Variants in ATP8B4 observed in about 807,000 individuals in gnomAD.
The protein encoded by ATP8B4 is ATPase phospholipid transporting 8B4 (putative).
A neutral mutation model predicts 145.6 loss-of-function variants in ATP8B4; 133 were observed. The observed-to-expected ratio is 0.91, with a 90% CI of 0.79 to 1.05. ATP8B4 has a LOEUF of 1.05. Ranked by LOEUF, ATP8B4 falls within the 50% of genes least tolerant of loss-of-function variation. The pLI is 0.00. For synonymous variants in ATP8B4, 507 were observed against 492.9 expected, an observed-to-expected ratio of 1.03 and a Z score of -0.38; for missense variants, 1,458 against 1,425.2, an observed-to-expected ratio of 1.02 and a Z score of -0.37.
At position 49,920,231 on chromosome 15, in the gene ATP8B4, C is replaced by T. The variant is rs183917939; in HGVS notation, c.1923+15G>A. ...TTTCCTGTAAACACAAACCATCATG[C>T]TTCTAAACTCATACCATCAAATCTC... On this transcript the variant is annotated intron_variant, in intron 18 of 27. Coordinates refer to ENST00000284509, the MANE Select transcript of ATP8B4 (RefSeq NM_024837.4). The T allele has an allele frequency of 4.3e-6, 7 of 1,612,672 alleles. No individual in the cohort carries two copies. The highest frequency in any genetic ancestry group is 1.3e-5 in the African/African-American group (1 of 75,028).
chr15:49,931,612 T>C (rs553491144), intron 15 of ATP8B4, among the ~76,000 whole-genome samples: 3 of 152,198 alleles, frequency 2.0e-5, no homozygotes, highest in African/African-American at 7.2e-5. Flanking sequence ...GTATTTTCTG[T>C]GACTAGAGAT....
At chr15:50,082,890 G>A (rs1267351905) in intron 2 of ATP8B4, among the ~76,000 whole-genome samples, 1 of 152,206 alleles carries the variant, frequency 6.6e-6, no homozygotes, top group African/African-American at 2.4e-5. Flanking sequence ...AAGAAACAGA[G>A]TCCTAGCAAG....
intron 13 of ATP8B4, among the ~76,000 whole-genome samples, chr15:49,966,681 G>A (rs1343767442): frequency 6.6e-6 from 1 of 152,194 alleles, no homozygotes; most frequent in African/African-American, 2.4e-5. Flanking sequence ...AGGGGTGGCT[G>A]TGCGCGCAGC....
chr15:50,138,326 GTAGATAGATAGATAGA>G (rs71124324), intron 1 of ATP8B4, among the ~76,000 whole-genome samples: 29,875 of 148,082 alleles, frequency 0.2, 3,391 homozygotes, highest in Non-Finnish European at 0.24. Flanking sequence ...AGATAGATAG[GTAGATAGATAGATAGA>G]TAGATAGATA....
intron 1 of ATP8B4, among the ~76,000 whole-genome samples, chr15:50,154,908 G>GT (rs768707114): frequency 6.6e-6 from 1 of 151,774 alleles, no homozygotes; most frequent in Non-Finnish European, 1.5e-5. Flanking sequence ...ATTTGTTTAA[G>GT]TTTTTTATTT....
At chr15:49,876,135 C>T (rs1414213168) in intron 25 of ATP8B4, 143 bp downstream of exon 25, 2 of 1,174,590 alleles carry the variant, frequency 1.7e-6, no homozygotes, top group Non-Finnish European at 2.3e-6. Context: ...TTCCTGCTTT[C>T]ATCTCAAAAT....
At position 50,102,150 on chromosome 15, in the gene ATP8B4, A is replaced by G. The variant is rs189226192; in HGVS notation, c.28+4789T>C. ...CCTACATCAAAAAGTCTGAAAGAGC[A>G]CAAATAGACAATCTAAGGTCACATC... is the stretch of plus-strand genomic sequence containing the variant. On this transcript the variant is annotated intron_variant, in intron 2 of 27. Transcript: ENST00000284509. Among the ~76,000 whole-genome samples the G allele has an allele frequency of 7.5e-4, 114 of 152,224 alleles. 1 individual carries two copies. In the East Asian group the frequency reaches 0.018, roughly 23 times the overall value.
At chr15:50,076,980 C>T (rs977516228) in intron 2 of ATP8B4, among the ~76,000 whole-genome samples, 15 of 152,116 alleles carry the variant, frequency 9.9e-5, no homozygotes, top group African/African-American at 2.2e-4. Flanking sequence ...AAAAAAAGGA[C>T]GCTGAAAACA....
At chr15:49,973,399 T>G (rs1214613951) in intron 12 of ATP8B4, among the ~76,000 whole-genome samples, 1 of 152,162 alleles carries the variant, frequency 6.6e-6, no homozygotes, top group African/African-American at 2.4e-5. Flanking sequence ...AACTAATGAT[T>G]ATTGAAGATG....
At chr15:50,092,111 G>A (rs1047579376) in intron 2 of ATP8B4, among the ~76,000 whole-genome samples, 1 of 152,104 alleles carries the variant, frequency 6.6e-6, no homozygotes, top group East Asian at 1.9e-4. Flanking sequence ...GGGAAGAGAG[G>A]TCTTGGTACA....
chr15:50,154,478 A>G (rs72737032), intron 1 of ATP8B4, among the ~76,000 whole-genome samples: 2,443 of 152,192 alleles, frequency 0.016, 34 homozygotes, highest in Non-Finnish European at 0.025. Context: ...CACTTATACA[A>G]TTCTATATAT....
intron 1 of ATP8B4, among the ~76,000 whole-genome samples, chr15:50,127,128 T>C (rs1283141642): frequency 1.3e-5 from 2 of 152,158 alleles, no homozygotes; most frequent in East Asian, 3.8e-4. Context: ...TGTCTCCCCC[T>C]TTTTAGGTCA....
At chr15:50,176,063 G>GTATA (rs141894277) in intron 1 of ATP8B4, among the ~76,000 whole-genome samples, 9 of 147,194 alleles carry the variant, frequency 6.1e-5, no homozygotes, top group African/African-American at 2.0e-4. Context: ...ATACCGCAGA[G>GTATA]TATATATATA....
intron 3 of ATP8B4, among the ~76,000 whole-genome samples, chr15:50,053,009 AT>A (rs1567271161): frequency 6.6e-6 from 1 of 152,226 alleles, no homozygotes; most frequent in Non-Finnish European, 1.5e-5. Context: ...AAGAATAGAT[AT>A]GAAAAGAGCG....
intron 20 of ATP8B4, among the ~76,000 whole-genome samples, chr15:49,916,240 G>C (rs1427401650): frequency 6.6e-6 from 1 of 151,990 alleles, no homozygotes; most frequent in African/African-American, 2.4e-5. Flanking sequence ...GAAATAAATT[G>C]GTACATCTTA....
At chr15:49,881,758 T>C (rs2035456820) in intron 23 of ATP8B4, among the ~76,000 whole-genome samples, 1 of 152,064 alleles carries the variant, frequency 6.6e-6, no homozygotes, top group African/African-American at 2.4e-5. Context: ...TCACACAGGA[T>C]AGGGGGCACG....
chr15:50,111,875 A>G (rs932544832), intron 1 of ATP8B4, among the ~76,000 whole-genome samples: 7 of 152,222 alleles, frequency 4.6e-5, no homozygotes, highest in African/African-American at 1.2e-4. Flanking sequence ...CAATAAAAGA[A>G]AGGAGATAAT....
intron 14 of ATP8B4, among the ~76,000 whole-genome samples, chr15:49,952,762 G>T (rs999737656): frequency 2.0e-5 from 3 of 152,104 alleles, no homozygotes; most frequent in African/African-American, 7.2e-5. Flanking sequence ...GCAATCATTT[G>T]GAGGTGAAGA....
intron 23 of ATP8B4, among the ~76,000 whole-genome samples, chr15:49,890,875 G>A (rs1449663271): frequency 6.6e-6 from 1 of 152,216 alleles, no homozygotes; most frequent in Non-Finnish European, 1.5e-5. Flanking sequence ...CATGTGGGGT[G>A]TGGCTGGGGA....
Sources: gnomAD v4.1 joint callset for allele counts (sites outside exome capture counted in the v4.1 genomes callset) on GRCh38, gnomAD v4.1.1 for gene constraint, MANE v1.5 for transcripts, NCBI Gene and HGNC (gene_info 2026-07-23, HGNC 2026-07-21) for gene names.